The following TM4SF20 variants were observed in gnomAD, a reference collection of about 807,000 sequenced individuals.
The protein encoded by TM4SF20 is transmembrane 4 L6 family member 20.
Under a neutral mutation model 15.1 loss-of-function variants are expected in TM4SF20, and 13 were observed. The observed-to-expected ratio is 0.86, with a 90% CI of 0.56 to 1.36. TM4SF20 has a LOEUF of 1.36. Among genes scored for constraint, TM4SF20 ranks in the 40% most tolerant of loss-of-function variants. TM4SF20 has a pLI of 0.00. For missense variants in TM4SF20, 282 were observed against 268.4 expected, an observed-to-expected ratio of 1.05 and a Z score of -0.35; for synonymous variants, 92 against 96.6, an observed-to-expected ratio of 0.95 and a Z score of 0.28.
At chr2:227,380,801 A>G (rs190324003), upstream of TM4SF20, among the ~76,000 whole-genome samples, 1 of 152,316 alleles carries the variant, frequency 6.6e-6, no homozygotes, top group East Asian at 1.9e-4. Flanking sequence ...CAGGCGTAGT[A>G]GGCTTAGAGA....
chr2:227,376,208 T>C (rs2076449907), intron 1 of TM4SF20, among the ~76,000 whole-genome samples: 1 of 152,198 alleles, frequency 6.6e-6, no homozygotes, highest in Non-Finnish European at 1.5e-5. Flanking sequence ...TTTGAAACAC[T>C]ACAGTAATTC....
intron 2 of TM4SF20, among the ~76,000 whole-genome samples, chr2:227,367,362 C>T (rs762187902): frequency 6.6e-5 from 10 of 152,078 alleles, no homozygotes; most frequent in South Asian, 2.1e-4. Context: ...AATGAAAGTT[C>T]GTGTTTGTTT....
chr2:227,368,077 G>A (rs1162974061), intron 2 of TM4SF20, among the ~76,000 whole-genome samples: 3 of 138,712 alleles, frequency 2.2e-5, no homozygotes, highest in Non-Finnish European at 4.5e-5. Flanking sequence ...AGGCTGGAGT[G>A]CAGTGGCATG....
chr2:227,362,748 C>G lies in TM4SF20; in HGVS notation c.*976G>C, dbSNP rs913681439. ...ATTATTATAGGCAAAATTCCAAAAT[C>G]CAAAAAAATGTGAAAGCCAAAACAC... On this transcript the variant is annotated 3_prime_UTR_variant, in exon 4 of 4. Transcript: ENST00000304568. 4 of 152,106 alleles carry G rather than the reference C, an allele frequency of 2.6e-5. No individual in the cohort carries two copies. The highest frequency in any genetic ancestry group is 9.7e-5 in the African/African-American group (4 of 41,410). 9.4% of individuals were successfully genotyped at this position (152,106 alleles called of 1,614,324 possible).
At chr2:227,366,340 G>T (rs112261207) in intron 2 of TM4SF20, 96 bp from the exon 3 acceptor site, 13 of 1,093,524 alleles carry the variant, frequency 1.2e-5, no homozygotes, top group Non-Finnish European at 1.7e-5. Context: ...AAATCCAGTC[G>T]CCCTAAAATC....
At chr2:227,379,376 T>G, upstream of TM4SF20, 2 of 917,090 alleles carry the variant, frequency 2.2e-6, no homozygotes, top group African/African-American at 1.7e-5. Context: ...AAAAAATGAA[T>G]AGTGGAAAAT....
At chr2:227,366,326 T>G (rs1575021695) in intron 2 of TM4SF20, 82 bp from the exon 3 acceptor site, 1 of 1,264,674 alleles carries the variant, frequency 7.9e-7, no homozygotes, top group East Asian at 2.4e-5. Flanking sequence ...ATACAGTCTT[T>G]TTTAAATCCA....
At chr2:227,368,545 T>C (rs2076405071) in intron 2 of TM4SF20, among the ~76,000 whole-genome samples, 1 of 151,596 alleles carries the variant, frequency 6.6e-6, no homozygotes, top group Non-Finnish European at 1.5e-5. Flanking sequence ...TTTGTATTTT[T>C]AGTAGAGACA....
chr2:227,372,206 C>T (rs554861177), intron 1 of TM4SF20, among the ~76,000 whole-genome samples: 13 of 152,290 alleles, frequency 8.5e-5, no homozygotes, highest in African/African-American at 1.2e-4. Flanking sequence ...GCACTTTACA[C>T]GCCTTAGTTT....
chr2:227,365,517 T>C (rs2076388652), intron 3 of TM4SF20, among the ~76,000 whole-genome samples: 2 of 152,246 alleles, frequency 1.3e-5, no homozygotes, highest in Non-Finnish European at 2.9e-5. Context: ...ACTTAAAATT[T>C]GGATTCATTC....
chr2:227,378,639 C>G (rs910363160), intron 1 of TM4SF20, among the ~76,000 whole-genome samples: 1 of 152,172 alleles, frequency 6.6e-6, no homozygotes, highest in African/African-American at 2.4e-5. Context: ...CTCGTAATTA[C>G]CATCACCCAG....
At chr2:227,379,636 A>G (rs2076470512), upstream of TM4SF20, among the ~76,000 whole-genome samples, 1 of 152,240 alleles carries the variant, frequency 6.6e-6, no homozygotes, top group South Asian at 2.1e-4. Flanking sequence ...ATTACCAGCT[A>G]TGGAAGTTTC....
At chr2:227,373,164 A>G (rs187868363) in intron 1 of TM4SF20, among the ~76,000 whole-genome samples, 3 of 152,196 alleles carry the variant, frequency 2.0e-5, no homozygotes, top group Non-Finnish European at 2.9e-5. Flanking sequence ...TCATTTATCC[A>G]AGGCCACATC....
At chr2:227,370,173 A>C (rs2076413535) in intron 2 of TM4SF20, among the ~76,000 whole-genome samples, 1 of 152,220 alleles carries the variant, frequency 6.6e-6, no homozygotes, top group African/African-American at 2.4e-5. Context: ...ATTTAACTGG[A>C]TAAAGGCAAT....
At chr2:227,371,963 T>C (rs1410429584) in intron 1 of TM4SF20, among the ~76,000 whole-genome samples, 1 of 152,178 alleles carries the variant, frequency 6.6e-6, no homozygotes, top group Non-Finnish European at 1.5e-5. Flanking sequence ...TCTCAGGACT[T>C]GGGTTTCAAT....
At chr2:227,372,297 G>A (rs1223465939) in intron 1 of TM4SF20, among the ~76,000 whole-genome samples, 1 of 152,112 alleles carries the variant, frequency 6.6e-6, no homozygotes, top group Non-Finnish European at 1.5e-5. Context: ...GGCATAGAAA[G>A]GACAAATTAC....
At position 227,363,415 on chromosome 2, in the gene TM4SF20, C is replaced by CAAAA. The variant is rs5839210; in HGVS notation, c.*305_*308dup. Reference sequence around the variant, plus strand: ...TCCAGCCTTTTTTGAGACCCTGTCTCAAAAAAAAAAAAAAAAAGTCCTGTA... The same window carrying CAAAA: ...TCCAGCCTTTTTTGAGACCCTGTCTCAAAAAAAAAAAAAAAAAAAAAGTCCTGTA... On this transcript the variant is annotated 3_prime_UTR_variant, in exon 4 of 4. Coordinates refer to ENST00000304568, the MANE Select transcript of TM4SF20 (RefSeq NM_024795.4). 0.021 allele frequency: 2,985 copies of CAAAA among 139,782 alleles called. 129 individuals are homozygous for CAAAA. The highest frequency in any genetic ancestry group is 0.089 in the African/African-American group (2,658 of 30,024). 8.7% of individuals were successfully genotyped at this position (139,782 alleles called of 1,614,324 possible).
At chr2:227,371,049 A>G in intron 1 of TM4SF20, 69 bp from the exon 2 acceptor site, 1 of 1,321,604 alleles carries the variant, frequency 7.6e-7, no homozygotes, top group Non-Finnish European at 1.1e-6. Flanking sequence ...AGTAATCTTC[A>G]CCTTCCGTTT....
intron 1 of TM4SF20, among the ~76,000 whole-genome samples, chr2:227,371,333 C>A (rs2076420235): frequency 6.6e-6 from 1 of 152,114 alleles, no homozygotes; most frequent in Non-Finnish European, 1.5e-5. Context: ...CTGCATCATC[C>A]AAACTCTGTT....
Sources: gnomAD v4.1 joint callset for allele counts (sites outside exome capture counted in the v4.1 genomes callset) on GRCh38, gnomAD v4.1.1 for gene constraint, MANE v1.5 for transcripts, NCBI Gene and HGNC (gene_info 2026-07-23, HGNC 2026-07-21) for gene names.